Variants in C10orf67 observed in about 807,000 individuals in gnomAD.
The protein encoded by C10orf67 is chromosome 10 open reading frame 67, also known as uncharacterized protein C10orf67, mitochondrial.
A neutral mutation model predicts 35.6 loss-of-function variants in C10orf67; 60 were observed. The ratio of observed to expected loss-of-function variants is 1.68; its 90% CI spans 1.37 to 2.09. The LOEUF is 2.09. C10orf67 is among the 30% of genes most tolerant of loss of function. C10orf67 has a pLI of 0.00. For missense variants in C10orf67, 474 were observed against 330.2 expected (o/e 1.44, Z -3.38); for synonymous variants, 167 against 115.8 (o/e 1.44, Z -2.84).
chr10:23,310,139 C>A (rs1844441794), intron 4 of C10orf67, among the ~76,000 whole-genome samples: 1 of 152,158 alleles, frequency 6.6e-6, no homozygotes, highest in Admixed American at 6.5e-5. Flanking sequence ...TAGTTCTCAC[C>A]TTTTAGGACT....
At chr10:23,285,369 A>G in intron 7 of C10orf67, among the ~76,000 whole-genome samples, 1 of 148,552 alleles carries the variant, frequency 6.7e-6, no homozygotes, top group East Asian at 1.9e-4. Flanking sequence ...ATAATTTGTT[A>G]TATATATTAT....
intron 12 of C10orf67, among the ~76,000 whole-genome samples, chr10:23,245,477 T>A (rs1333551635): frequency 6.6e-6 from 1 of 152,200 alleles, no homozygotes; most frequent in Non-Finnish European, 1.5e-5. Flanking sequence ...GATAAGGGGT[T>A]AATATCCAAA....
rs772061641 is a variant in C10orf67 at position 23,318,830 on chromosome 10, G to A, written c.546+1911C>T. 75 of 750,912 alleles carry A rather than the reference G, an allele frequency of 1.0e-4. 1 individual carries two copies. Among genetic ancestry groups the A allele is most frequent in the South Asian group, 4.3e-4 (30 of 69,292 alleles). The allele number at this position is 750,912 out of a possible 1,614,324, so 46.5% of individuals were successfully genotyped here. A position where few individuals can be genotyped will look rare whatever the true frequency, so the allele number is the denominator to read the frequency against. ...TCCAGGGTTACTTTCATGGCTCCAT[G>A]ACATTACCAAGGACCCCTCTGCTTC... On this transcript the variant is annotated intron_variant, in intron 4 of 15. Transcript: ENST00000636213.
At chr10:23,253,441 G>A (rs1254040840) in intron 10 of C10orf67, among the ~76,000 whole-genome samples, 3 of 152,110 alleles carry the variant, frequency 2.0e-5, no homozygotes, top group Non-Finnish European at 4.4e-5. Flanking sequence ...ACTGCCATTT[G>A]ATTAACAGTA....
At chr10:23,219,644 A>G (rs1841523709) in intron 15 of C10orf67, among the ~76,000 whole-genome samples, 1 of 152,132 alleles carries the variant, frequency 6.6e-6, no homozygotes, top group Admixed American at 6.5e-5. Context: ...CAAACTTTCT[A>G]TGTTGCATGC....
intron 13 of C10orf67, among the ~76,000 whole-genome samples, chr10:23,229,441 G>C (rs1393348854): frequency 9.3e-6 from 1 of 107,858 alleles, no homozygotes. Flanking sequence ...CATGGGGTGG[G>C]GGGAGGGGGG....
In C10orf67 at chr10:23,239,348, T is replaced by C. The variant is rs187278661; in HGVS notation, c.1434+381A>G. Among the ~76,000 whole-genome samples the C allele has an allele frequency of 3.1e-3, 467 of 152,334 alleles. 4 individuals carry two copies. Among genetic ancestry groups the C allele is most frequent in the African/African-American group, 0.011 (445 of 41,570 alleles). On this transcript the variant is annotated intron_variant, in intron 13 of 15. Transcript: ENST00000636213. Reference sequence around the variant, plus strand: ...TAGGAACAGATTCTCCTATCTTCTTTTTTTCCTTTGGATGTGACTGGAAGC... The same window carrying C: ...TAGGAACAGATTCTCCTATCTTCTTCTTTTCCTTTGGATGTGACTGGAAGC...
rs377632041 is a variant in C10orf67 at position 23,309,570 on chromosome 10, T to C, written c.547-6111A>G. Among the ~76,000 whole-genome samples the C allele has an allele frequency of 5.3e-5, 8 of 152,276 alleles. No homozygotes were observed. In the East Asian group the frequency reaches 1.5e-3, roughly 29 times the overall value. On this transcript the variant is annotated intron_variant, in intron 4 of 15. Coordinates refer to ENST00000636213, the MANE Select transcript of C10orf67 (RefSeq NM_001371909.1). ...AGTTTTTAAGCCAGCAAAACAAAGA[T>C]TGCATGACAGCGCAGAAACCAATGC...
rs74916152 is a variant in C10orf67 at position 23,288,666 on chromosome 10, A to G, written c.909+1234T>C. On this transcript the variant is annotated intron_variant, in intron 7 of 15. Transcript: ENST00000636213. ...AATGGCAATATCAGGCCTGGCTGAA[A>G]TCTGAACCTAAACTTAGGCACATGT... 2.0e-5 allele frequency among the ~76,000 whole-genome samples: 3 copies of G among 152,356 alleles called. No individual in the cohort carries two copies. The East Asian group carries it at 5.8e-4, about 29-fold the overall frequency.
intron 1 of C10orf67, among the ~76,000 whole-genome samples, chr10:23,343,096 C>T (rs1255781435): frequency 1.3e-5 from 2 of 152,194 alleles, no homozygotes; most frequent in Admixed American, 6.5e-5. Context: ...ATGAAAGGGA[C>T]GGGTTTTAAA....
chr10:23,204,556 C>G (rs1446205655), intron 15 of C10orf67, among the ~76,000 whole-genome samples: 2 of 152,178 alleles, frequency 1.3e-5, no homozygotes, highest in East Asian at 3.8e-4. Flanking sequence ...CTGATAAAGG[C>G]CAGTACTCAA....
rs185328149 is a variant in C10orf67 at position 23,309,060 on chromosome 10, C to T, written c.547-5601G>A. ...TTCTGAATAGGTTGGGTTTATTTTA[C>T]TCTTAAAAAAGATACCTGCGCTTAT... On this transcript the variant is annotated intron_variant, in intron 4 of 15. Coordinates refer to ENST00000636213, the MANE Select transcript of C10orf67 (RefSeq NM_001371909.1). Among the ~76,000 whole-genome samples, 13 of 152,174 alleles carry T rather than the reference C, an allele frequency of 8.5e-5. 1 individual carries two copies. In the East Asian group the frequency reaches 2.5e-3, roughly 29 times the overall value.
chr10:23,319,546 C>T (rs761361166), intron 4 of C10orf67, among the ~76,000 whole-genome samples: 7 of 152,170 alleles, frequency 4.6e-5, no homozygotes, highest in East Asian at 3.8e-4. Flanking sequence ...CTTGGTCAAA[C>T]GGTAGTTCTG....
At chr10:23,209,030 A>G (rs1841234813) in intron 15 of C10orf67, among the ~76,000 whole-genome samples, 1 of 151,984 alleles carries the variant, frequency 6.6e-6, no homozygotes, top group Non-Finnish European at 1.5e-5. Flanking sequence ...CCCACCACCT[A>G]GATGAAGGCA....
At chr10:23,341,957 A>G (rs112777356) in intron 1 of C10orf67, among the ~76,000 whole-genome samples, 1 of 152,130 alleles carries the variant, frequency 6.6e-6, no homozygotes, top group Non-Finnish European at 1.5e-5. Context: ...GGACTGCTTG[A>G]GCCCAGGAGT....
chr10:23,328,205 G>A (rs1845272858), intron 2 of C10orf67, among the ~76,000 whole-genome samples: 1 of 152,118 alleles, frequency 6.6e-6, no homozygotes, highest in South Asian at 2.1e-4. Flanking sequence ...GGCATTGGTA[G>A]CTGTCAGCCC....
intron 6 of C10orf67, 146 bp from the exon 7 acceptor site, chr10:23,290,104 C>A: frequency 1.7e-6 from 1 of 581,274 alleles, no homozygotes; most frequent in Non-Finnish European, 3.1e-6. Flanking sequence ...CACAACTGCC[C>A]TTGACATTCG....
chr10:23,259,537 C>T (rs76187915), intron 10 of C10orf67, among the ~76,000 whole-genome samples: 191 of 152,196 alleles, frequency 1.3e-3, no homozygotes, highest in African/African-American at 4.4e-3. Context: ...GAAAAAAAAT[C>T]TATCGTTGGG....
intron 10 of C10orf67, among the ~76,000 whole-genome samples, chr10:23,259,892 C>G (rs1190390691): frequency 1.3e-5 from 2 of 151,986 alleles, no homozygotes; most frequent in Non-Finnish European, 2.9e-5. Flanking sequence ...AAAAGTAGTT[C>G]AAACTTTAAT....
Sources: gnomAD v4.1 joint callset for allele counts (sites outside exome capture counted in the v4.1 genomes callset) on GRCh38, gnomAD v4.1.1 for gene constraint, MANE v1.5 for transcripts, NCBI Gene and HGNC (gene_info 2026-07-23, HGNC 2026-07-21) for gene names.